The following PXDNL variants were observed in gnomAD, a reference collection of about 807,000 sequenced individuals.
PXDNL encodes probable oxidoreductase PXDNL.
A neutral mutation model predicts 150.8 loss-of-function variants in PXDNL; 145 were observed. The observed-to-expected ratio is 0.96, with a 90% CI of 0.84 to 1.10. PXDNL has a LOEUF of 1.10. Ranked by LOEUF, PXDNL falls within the 50% of genes least tolerant of loss-of-function variation. PXDNL has a pLI of 0.00. For missense variants in PXDNL, 2,087 were observed against 1,873.9 expected (o/e 1.11, Z -2.10); for synonymous variants, 757 against 725.7 (o/e 1.04, Z -0.69).
chr8:51,373,576 C>T (rs1049660984), intron 18 of PXDNL, among the ~76,000 whole-genome samples: 1 of 152,120 alleles, frequency 6.6e-6, no homozygotes, highest in African/African-American at 2.4e-5. Flanking sequence ...ATGAAATATA[C>T]TATTAATTGT....
chr8:51,576,136 T>C (rs188273682), intron 3 of PXDNL, among the ~76,000 whole-genome samples: 4 of 138,980 alleles, frequency 2.9e-5, no homozygotes, highest in South Asian at 4.4e-4. Flanking sequence ...ACCCAAGAAA[T>C]AGAAGAACTC....
chr8:51,399,897 A>T (rs941833766), intron 17 of PXDNL, among the ~76,000 whole-genome samples: 5 of 152,230 alleles, frequency 3.3e-5, no homozygotes, highest in Admixed American at 3.3e-4. Context: ...ATGATTTTGT[A>T]TGGCATATAA....
intron 3 of PXDNL, among the ~76,000 whole-genome samples, chr8:51,583,781 T>C (rs895211181): frequency 6.6e-6 from 1 of 152,142 alleles, no homozygotes; most frequent in Non-Finnish European, 1.5e-5. Context: ...GTTGGATGGA[T>C]GGACAGATGG....
intron 12 of PXDNL, among the ~76,000 whole-genome samples, chr8:51,444,442 A>G (rs1241063284): frequency 6.6e-6 from 1 of 152,218 alleles, no homozygotes; most frequent in East Asian, 1.9e-4. Context: ...GAAACAAATA[A>G]TGAGACAGAA....
At chr8:51,510,682 T>C (rs139284414) in intron 4 of PXDNL, among the ~76,000 whole-genome samples, 1 of 152,104 alleles carries the variant, frequency 6.6e-6, no homozygotes, top group South Asian at 2.1e-4. Flanking sequence ...CTGAGGCTCA[T>C]CGGGTGATAT....
intron 4 of PXDNL, among the ~76,000 whole-genome samples, chr8:51,526,106 C>G (rs1369203920): frequency 6.6e-6 from 1 of 152,152 alleles, no homozygotes; most frequent in Admixed American, 6.5e-5. Flanking sequence ...TATAATCTGT[C>G]CTCAGAATGT....
At chr8:51,425,510 A>G (rs778024850) in intron 13 of PXDNL, among the ~76,000 whole-genome samples, 1 of 152,160 alleles carries the variant, frequency 6.6e-6, no homozygotes, top group Non-Finnish European at 1.5e-5. Context: ...ATTTTAATAT[A>G]TAATATCAAA....
intron 14 of PXDNL, among the ~76,000 whole-genome samples, chr8:51,413,955 C>A (rs773568830): frequency 1.3e-5 from 2 of 151,916 alleles, no homozygotes; most frequent in Non-Finnish European, 2.9e-5. Context: ...TTTTGAGATA[C>A]TAAAAGTACA....
At chr8:51,772,325 G>C (rs1471563793) in intron 1 of PXDNL, among the ~76,000 whole-genome samples, 2 of 151,688 alleles carry the variant, frequency 1.3e-5, no homozygotes, top group Admixed American at 6.6e-5. Flanking sequence ...TTTCTGGCTG[G>C]ATACCTGTGC....
chr8:51,801,155 G>A (rs2037614986), intron 1 of PXDNL, among the ~76,000 whole-genome samples: 1 of 152,120 alleles, frequency 6.6e-6, no homozygotes. Context: ...TTCCTGGGGG[G>A]AGGTCTATAA....
chr8:51,378,187 G>A (rs915746370), intron 17 of PXDNL, among the ~76,000 whole-genome samples: 11 of 152,148 alleles, frequency 7.2e-5, no homozygotes, highest in African/African-American at 2.7e-4. Context: ...CTAGCTCAAG[G>A]TCTGTAAATG....
At chr8:51,561,244 G>A (rs1812713360) in intron 3 of PXDNL, among the ~76,000 whole-genome samples, 1 of 151,812 alleles carries the variant, frequency 6.6e-6, no homozygotes. Context: ...CAATTCCTAG[G>A]CAAATATACT....
chr8:51,484,176 C>T (rs543034756), intron 5 of PXDNL, among the ~76,000 whole-genome samples: 8 of 152,102 alleles, frequency 5.3e-5, no homozygotes, highest in Admixed American at 3.9e-4. Flanking sequence ...GTGGCTCACG[C>T]CTGTAATCCC....
At chr8:51,800,991 C>T (rs1257682304) in intron 1 of PXDNL, among the ~76,000 whole-genome samples, 1 of 152,148 alleles carries the variant, frequency 6.6e-6, no homozygotes, top group Non-Finnish European at 1.5e-5. Flanking sequence ...GGAAGACAAC[C>T]AAAGGTCTGA....
intron 4 of PXDNL, among the ~76,000 whole-genome samples, chr8:51,502,618 A>G (rs1427342241): frequency 6.6e-6 from 1 of 152,110 alleles, no homozygotes. Flanking sequence ...AACAACTCCC[A>G]GATTTTCAAA....
chr8:51,621,935 C>A (rs539126099), intron 2 of PXDNL, among the ~76,000 whole-genome samples: 2 of 114,272 alleles, frequency 1.8e-5, no homozygotes, highest in East Asian at 5.0e-4. Flanking sequence ...CAGAGTGAGA[C>A]CCTGTCTCAA....
intron 14 of PXDNL, among the ~76,000 whole-genome samples, chr8:51,419,178 C>T (rs532258904): frequency 5.7e-4 from 87 of 152,276 alleles, no homozygotes; most frequent in Middle Eastern, 6.8e-3. Context: ...TAGACACTTA[C>T]CTAGGAATTT....
At chr8:51,530,282 A>T (rs1193552218) in intron 4 of PXDNL, among the ~76,000 whole-genome samples, 1 of 152,112 alleles carries the variant, frequency 6.6e-6, no homozygotes, top group African/African-American at 2.4e-5. Context: ...GTGATTTCTA[A>T]GTTCTTCTCT....
intron 3 of PXDNL, among the ~76,000 whole-genome samples, chr8:51,566,463 G>C (rs1428543781): frequency 6.6e-6 from 1 of 151,676 alleles, no homozygotes; most frequent in Non-Finnish European, 1.5e-5. Flanking sequence ...GATTCAATTT[G>C]TTTAATAAAT....
Sources: gnomAD v4.1 joint callset for allele counts (sites outside exome capture counted in the v4.1 genomes callset) on GRCh38, gnomAD v4.1.1 for gene constraint, MANE v1.5 for transcripts, NCBI Gene and HGNC (gene_info 2026-07-23, HGNC 2026-07-21) for gene names.